The following SNTG2 variants were observed in gnomAD, a reference collection of about 807,000 sequenced individuals.
SNTG2 encodes syntrophin gamma 2.
Under a neutral mutation model 70.9 loss-of-function variants are expected in SNTG2, and 74 were observed. The ratio of observed to expected loss-of-function variants is 1.04; its 90% CI spans 0.86 to 1.27. The LOEUF (loss-of-function observed/expected upper bound fraction) is 1.27, where lower values mean the gene tolerates loss of function less well. SNTG2 is among the 50% of genes most tolerant of loss of function. SNTG2 has a pLI of 0.00. For synonymous variants in SNTG2, 278 were observed against 273.8 expected, an observed-to-expected ratio of 1.02 and a Z score of -0.15; for missense variants, 717 against 690.7, an observed-to-expected ratio of 1.04 and a Z score of -0.43.
rs572227633 is a variant in SNTG2, at chr2:984,538, C to T, written c.72+33470C>T. ...CTACCCTCTCCCATCCCCTCTCGTC[C>T]TCCCTGGTCCCTTTGGTGCACTCTG... On this transcript the variant is annotated intron_variant, in intron 1 of 16. Transcript: ENST00000308624. Among the ~76,000 whole-genome samples the T allele has an allele frequency of 2.6e-5, 4 of 152,314 alleles. No homozygotes were observed. In the South Asian group the frequency reaches 8.3e-4, roughly 32 times the overall value.
chr2:1,074,286 A>G (rs1452375498), intron 1 of SNTG2, among the ~76,000 whole-genome samples: 1 of 152,192 alleles, frequency 6.6e-6, no homozygotes, highest in Admixed American at 6.5e-5. Flanking sequence ...TCAGACTGTA[A>G]ATCACTGTGA....
chr2:1,098,638 CTGTT>C (rs1665555137), intron 4 of SNTG2, among the ~76,000 whole-genome samples: 1 of 152,182 alleles, frequency 6.6e-6, no homozygotes, highest in South Asian at 2.1e-4. Context: ...CACTAATTCT[CTGTT>C]TGAGGTATCA....
At chr2:1,307,884 G>C (rs748567274) in intron 14 of SNTG2, among the ~76,000 whole-genome samples, 1 of 152,226 alleles carries the variant, frequency 6.6e-6, no homozygotes, top group Non-Finnish European at 1.5e-5. Context: ...GCACGTGCTG[G>C]TCCGGGCCGC....
chr2:981,844 C>T (rs373848636), intron 1 of SNTG2, among the ~76,000 whole-genome samples: 25 of 152,190 alleles, frequency 1.6e-4, no homozygotes, highest in East Asian at 1.5e-3. Context: ...CATGCATGCA[C>T]GTGAACACAC....
intron 16 of SNTG2, among the ~76,000 whole-genome samples, chr2:1,332,507 C>A (rs1022386601): frequency 6.6e-6 from 1 of 152,100 alleles, no homozygotes; most frequent in Non-Finnish European, 1.5e-5. Flanking sequence ...ATCTGATTAA[C>A]ATATGTGTAA....
At chr2:977,978 C>G (rs1004462950) in intron 1 of SNTG2, among the ~76,000 whole-genome samples, 3 of 152,202 alleles carry the variant, frequency 2.0e-5, no homozygotes, top group African/African-American at 7.2e-5. Context: ...CATCAGCCTA[C>G]GTATTGATTT....
chr2:1,137,843 A>G, intron 6 of SNTG2, 34 bp downstream of exon 6: 1 of 1,557,422 alleles, frequency 6.4e-7, no homozygotes. Context: ...TATTCTGTTT[A>G]TTATTCTTGT....
chr2:1,229,111 A>G (rs1676007080), intron 9 of SNTG2, among the ~76,000 whole-genome samples: 1 of 152,152 alleles, frequency 6.6e-6, no homozygotes, highest in Non-Finnish European at 1.5e-5. Flanking sequence ...AAAGAGCAAA[A>G]GAACAAAGCT....
intron 1 of SNTG2, among the ~76,000 whole-genome samples, chr2:1,004,700 C>T (rs755698612): frequency 1.3e-5 from 2 of 152,146 alleles, no homozygotes; most frequent in African/African-American, 2.4e-5. Context: ...GACTCTCCTT[C>T]GTTGTGGGTG....
chr2:1,229,421 C>T (rs1341900181), intron 9 of SNTG2, among the ~76,000 whole-genome samples: 3 of 152,108 alleles, frequency 2.0e-5, no homozygotes, highest in Non-Finnish European at 2.9e-5. Context: ...TGCTGATTGG[C>T]GTGTTTACAA....
chr2:1,083,664 C>A lies in SNTG2; in HGVS notation c.210+9C>A. The A allele has an allele frequency of 6.2e-7, 1 of 1,613,658 alleles. No homozygotes were observed. Among genetic ancestry groups the A allele is most frequent in the Non-Finnish European group, 8.5e-7 (1 of 1,179,654 alleles). On this transcript the variant is annotated intron_variant, in intron 2 of 16. Transcript: ENST00000308624. ...GCCACCAGGGCAGGAATGTAAGTGC[C>A]ATCACTTCAGGGAAGTCTTGGAGTG...
At chr2:1,114,599 G>A (rs1318961058) in intron 4 of SNTG2, among the ~76,000 whole-genome samples, 1 of 148,758 alleles carries the variant, frequency 6.7e-6, no homozygotes, top group Non-Finnish European at 1.5e-5. Flanking sequence ...GGAGGATCGT[G>A]TGTAGTAAGT....
intron 16 of SNTG2, among the ~76,000 whole-genome samples, chr2:1,347,988 G>A (rs1340707806): frequency 2.7e-5 from 4 of 149,800 alleles, no homozygotes; most frequent in East Asian, 3.9e-4. Flanking sequence ...TTTTTTTAAG[G>A]TCCTTTTGTA....
Position 1,097,268 on chromosome 2 carries a change from A to G in SNTG2, c.211-928A>G, listed in dbSNP as rs1194255358. Among the ~76,000 whole-genome samples the G allele has an allele frequency of 6.6e-6, 1 of 152,082 alleles. No individual in the cohort carries two copies. The highest frequency in any genetic ancestry group is 1.5e-5 in the Non-Finnish European group (1 of 68,026). On this transcript the variant is annotated intron_variant, in intron 2 of 16. Coordinates refer to ENST00000308624, the MANE Select transcript of SNTG2 (RefSeq NM_018968.4). This position sits in a 1 kb window ranked among gnomAD's most constrained non-coding sequence, Gnocchi z 4.1. ...CACCTGCACCGCTGGCCGGGGCGGGAGCTCCCAGGTCCCCCCTTCGGCGTG... is the reference window on the plus strand; with the variant it reads ...CACCTGCACCGCTGGCCGGGGCGGGGGCTCCCAGGTCCCCCCTTCGGCGTG...
chr2:1,143,820 C>T (rs1668914203), intron 6 of SNTG2, among the ~76,000 whole-genome samples: 1 of 150,786 alleles, frequency 6.6e-6, no homozygotes, highest in South Asian at 2.1e-4. Context: ...CTGCAGTGAG[C>T]AGAGATCATG....
chr2:1,236,397 G>A (rs1430656575), intron 9 of SNTG2, among the ~76,000 whole-genome samples: 2 of 152,240 alleles, frequency 1.3e-5, no homozygotes, highest in African/African-American at 4.8e-5. Flanking sequence ...GACCAGGAAA[G>A]GTGATCAGAA....
At chr2:1,109,073 C>G (rs112637086) in intron 4 of SNTG2, among the ~76,000 whole-genome samples, 21 of 147,210 alleles carry the variant, frequency 1.4e-4, no homozygotes, top group Admixed American at 2.7e-4. Flanking sequence ...ATGGAGAGCT[C>G]CTTGGTAATA....
chr2:998,540 G>A (rs939265819), intron 1 of SNTG2, among the ~76,000 whole-genome samples: 2 of 151,528 alleles, frequency 1.3e-5, no homozygotes, highest in Admixed American at 6.6e-5. Flanking sequence ...CAATAGACTA[G>A]ACCAAGCAGA....
At chr2:1,137,256 C>T (rs77184528) in intron 4 of SNTG2, among the ~76,000 whole-genome samples, 1 of 151,558 alleles carries the variant, frequency 6.6e-6, no homozygotes, top group Non-Finnish European at 1.5e-5. Context: ...CTTGCAAATA[C>T]CCGTGCATGC....
Sources: gnomAD v4.1 joint callset for allele counts (sites outside exome capture counted in the v4.1 genomes callset) on GRCh38, gnomAD v4.1.1 for gene constraint, Gnocchi (gnomAD v3.1) non-coding constraint, MANE v1.5 for transcripts, NCBI Gene and HGNC (gene_info 2026-07-23, HGNC 2026-07-21) for gene names.